Variants in PACSIN1 observed in about 807,000 individuals in gnomAD.
PACSIN1 encodes the protein protein kinase C and casein kinase substrate in neurons protein 1.
PACSIN1 carries 15 observed loss-of-function variants against 59.5 expected under a neutral mutation model. The observed-to-expected ratio is 0.25, with a 90% CI of 0.17 to 0.39. The LOEUF is 0.39. Among genes scored for constraint, PACSIN1 ranks in the 10% least tolerant of loss-of-function variants. The probability of loss-of-function intolerance (pLI) is 1.00; values close to 1 mark genes in which losing one functional copy is unlikely to be tolerated. For synonymous variants in PACSIN1, 210 were observed against 220.6 expected, an observed-to-expected ratio of 0.95 and a Z score of 0.42; for missense variants, 420 against 580.2, an observed-to-expected ratio of 0.72 and a Z score of 2.84.
At chr6:34,500,121 T>C (rs1280165101) in intron 1 of PACSIN1, among the ~76,000 whole-genome samples, 2 of 152,090 alleles carry the variant, frequency 1.3e-5, no homozygotes, top group East Asian at 1.9e-4. Context: ...CCAAAGAAGA[T>C]ATACAGTTGG....
chr6:34,477,628 A>G (rs1187120608), intron 1 of PACSIN1, among the ~76,000 whole-genome samples: 2 of 152,082 alleles, frequency 1.3e-5, no homozygotes, highest in African/African-American at 4.8e-5. Flanking sequence ...TAATTTGATC[A>G]TTTTGTTTGC....
rs1441516316 is a variant in PACSIN1, at chr6:34,525,206, G to A, written c.-63-1037G>A. On this transcript the variant is annotated intron_variant, in intron 1 of 9. Coordinates refer to ENST00000244458, the MANE Select transcript of PACSIN1 (RefSeq NM_020804.5). This position sits in a 1 kb window ranked among gnomAD's most constrained non-coding sequence, Gnocchi z 4.9. ...TGAGTTTATGGGAAAGTCTGTCTGT[G>A]GTTCTTCTAAAAGGGAGGGAACAAA... Among the ~76,000 whole-genome samples the A allele has an allele frequency of 6.6e-6, 1 of 152,216 alleles. No individual in the cohort carries two copies. The highest frequency in any genetic ancestry group is 2.4e-5 in the African/African-American group (1 of 41,440).
chr6:34,481,194 C>T (rs1766714263), intron 1 of PACSIN1, among the ~76,000 whole-genome samples: 1 of 151,872 alleles, frequency 6.6e-6, no homozygotes, highest in Non-Finnish European at 1.5e-5. Context: ...TACAGGCATG[C>T]ATCACCATGC....
chr6:34,492,660 G>T (rs1352862114), intron 1 of PACSIN1, among the ~76,000 whole-genome samples: 1 of 152,228 alleles, frequency 6.6e-6, no homozygotes, highest in Non-Finnish European at 1.5e-5. Context: ...GGGATTACAG[G>T]CATGAGCCAC....
chr6:34,528,051 C>T (rs1443590250), intron 3 of PACSIN1, among the ~76,000 whole-genome samples: 2 of 152,244 alleles, frequency 1.3e-5, no homozygotes, highest in African/African-American at 4.8e-5. Context: ...CTTCAGGTTC[C>T]TTTAATCTAG....
At chr6:34,468,427 A>G (rs957330477) in intron 1 of PACSIN1, among the ~76,000 whole-genome samples, 8 of 152,168 alleles carry the variant, frequency 5.3e-5, no homozygotes, top group African/African-American at 1.9e-4. Flanking sequence ...CAGTCATTCA[A>G]TCATTCATTC....
chr6:34,478,424 G>A (rs1158047226), intron 1 of PACSIN1, among the ~76,000 whole-genome samples: 1 of 134,968 alleles, frequency 7.4e-6, no homozygotes. Flanking sequence ...CCAGGCTGGA[G>A]TGCAGTGGCA....
At chr6:34,477,895 T>C (rs961375455) in intron 1 of PACSIN1, among the ~76,000 whole-genome samples, 4 of 145,976 alleles carry the variant, frequency 2.7e-5, no homozygotes, top group Non-Finnish European at 4.5e-5. Context: ...ACTACAGCTG[T>C]GTGCCACCAA....
chr6:34,504,694 T>C (rs934804713), intron 1 of PACSIN1, among the ~76,000 whole-genome samples: 2 of 152,250 alleles, frequency 1.3e-5, no homozygotes, highest in African/African-American at 4.8e-5. Flanking sequence ...CATTTTTCTT[T>C]CCTCCTCCCC....
chr6:34,501,756 G>T (rs1256963794), intron 1 of PACSIN1, among the ~76,000 whole-genome samples: 4 of 152,190 alleles, frequency 2.6e-5, no homozygotes, highest in African/African-American at 9.7e-5. Flanking sequence ...ATTTGGCTGG[G>T]TGCGGTGGCT....
At chr6:34,493,810 C>A (rs1232043528) in intron 1 of PACSIN1, among the ~76,000 whole-genome samples, 1 of 152,214 alleles carries the variant, frequency 6.6e-6, no homozygotes, top group Non-Finnish European at 1.5e-5. Flanking sequence ...CAGGCTTGTC[C>A]AGCTCCTTTC....
chr6:34,523,865 C>T (rs951742633), intron 1 of PACSIN1, among the ~76,000 whole-genome samples: 10 of 152,178 alleles, frequency 6.6e-5, no homozygotes, highest in Non-Finnish European at 2.9e-5. Flanking sequence ...GGCTCTTCTT[C>T]CTGAGCCCAC....
chr6:34,496,091 TG>T (rs1417575780), intron 1 of PACSIN1, among the ~76,000 whole-genome samples: 1 of 152,150 alleles, frequency 6.6e-6, no homozygotes, highest in East Asian at 1.9e-4. Flanking sequence ...GGCAGCAAGT[TG>T]TGCAGATGCA....
At chr6:34,512,325 C>A (rs1001759987) in intron 1 of PACSIN1, among the ~76,000 whole-genome samples, 6 of 118,518 alleles carry the variant, frequency 5.1e-5, no homozygotes, top group African/African-American at 2.0e-4. Context: ...GTCTGCCTGG[C>A]AGCAGATGGG....
chr6:34,487,088 C>CTT, intron 1 of PACSIN1, among the ~76,000 whole-genome samples: 1 of 151,800 alleles, frequency 6.6e-6, no homozygotes, highest in Non-Finnish European at 1.5e-5. Context: ...GAGGATCAGC[C>CTT]GAGCCCAGGG....
intron 2 of PACSIN1, 66 bp from the exon 3 acceptor site, chr6:34,527,266 G>C (rs1300619794): frequency 7.0e-7 from 1 of 1,425,932 alleles, no homozygotes; most frequent in Non-Finnish European, 9.3e-7. Flanking sequence ...GGCCGTGCTG[G>C]ATGCGGCGGG....
intron 1 of PACSIN1, among the ~76,000 whole-genome samples, chr6:34,486,502 C>A (rs1766796456): frequency 6.6e-6 from 1 of 152,164 alleles, no homozygotes; most frequent in Admixed American, 6.5e-5. Context: ...CTCCCGCTTC[C>A]CATTTCAGTC....
In PACSIN1 at chr6:34,531,775, A is replaced by G; in HGVS notation, c.1213A>G (p.Ser405Gly). The G allele has an allele frequency of 6.4e-7, 1 of 1,571,542 alleles. No individual in the cohort carries two copies. The highest frequency in any genetic ancestry group is 8.6e-7 in the Non-Finnish European group (1 of 1,156,580). Residue 405 changes from serine to glycine, a missense_variant, in exon 9 of 10, where the codon AGC becomes GGC. By Grantham distance (56) the Ser-to-Gly change is moderately conservative. Transcript: ENST00000244458. This position sits in a 1 kb window ranked among gnomAD's most constrained non-coding sequence, Gnocchi z 4.4. ...TGACGGCCAGGAGCAGGACGAGCTCAGCTTTAAGGCCGGTAGGACGGCTGG... is the reference window on the plus strand; with the variant it reads ...TGACGGCCAGGAGCAGGACGAGCTCGGCTTTAAGGCCGGTAGGACGGCTGG... ...DYDGQEQDEL[S>G]FKAGDELTKL...
chr6:34,529,386 C>CT lies in PACSIN1; in HGVS notation c.457-11_457-10insT, dbSNP rs1237228608. The CT allele has an allele frequency of 1.2e-6, 2 of 1,613,980 alleles. No homozygotes were observed. Among genetic ancestry groups the CT allele is most frequent in the Non-Finnish European group, 1.7e-6 (2 of 1,180,016 alleles). On this transcript the variant is annotated splice_polypyrimidine_tract_variant and intron_variant, in intron 4 of 9. Transcript: ENST00000244458. This position sits in a 1 kb window ranked among gnomAD's most constrained non-coding sequence, Gnocchi z 6.3. Reference sequence around the variant, plus strand: ...ATGAAAACCCTACTCCCTATTCCCCCCTCCCCACAGCTGGAGGCAGCCAAG... The same window carrying CT: ...ATGAAAACCCTACTCCCTATTCCCCCTCTCCCCACAGCTGGAGGCAGCCAAG...
Sources: gnomAD v4.1 joint callset for allele counts (sites outside exome capture counted in the v4.1 genomes callset) on GRCh38, gnomAD v4.1.1 for gene constraint, Gnocchi (gnomAD v3.1) non-coding constraint, MANE v1.5 for transcripts, NCBI Gene and HGNC (gene_info 2026-07-23, HGNC 2026-07-21) for gene names.